The following GRM8 variants were observed in gnomAD, a reference collection of about 807,000 sequenced individuals.
GRM8 encodes the protein glutamate metabotropic receptor 8.
A neutral mutation model predicts 87.2 loss-of-function variants in GRM8; 47 were observed. The observed-to-expected ratio is 0.54, with a 90% CI of 0.43 to 0.69. The LOEUF (loss-of-function observed/expected upper bound fraction) is 0.69. GRM8 is among the 30% of genes least tolerant of loss of function. The pLI is 0.00. For missense variants in GRM8, 1,019 were observed against 1,139.2 expected, an observed-to-expected ratio of 0.89 and a Z score of 1.52; for synonymous variants, 396 against 404.5, an observed-to-expected ratio of 0.98 and a Z score of 0.25.
intron 2 of GRM8, among the ~76,000 whole-genome samples, chr7:127,113,298 T>A (rs1826493590): frequency 6.6e-6 from 1 of 152,092 alleles, no homozygotes; most frequent in Non-Finnish European, 1.5e-5. Flanking sequence ...AAGACACCCC[T>A]GACAAGGCTA....
intron 8 of GRM8, among the ~76,000 whole-genome samples, chr7:126,592,677 G>A (rs1261663598): frequency 6.6e-6 from 1 of 151,744 alleles, no homozygotes; most frequent in Non-Finnish European, 1.5e-5. Flanking sequence ...GGCCATATAT[G>A]ACAAACCCGT....
intron 3 of GRM8, among the ~76,000 whole-genome samples, chr7:126,941,895 C>T (rs1330431743): frequency 6.6e-6 from 1 of 152,118 alleles, no homozygotes; most frequent in Non-Finnish European, 1.5e-5. Flanking sequence ...TATTTTCTTC[C>T]AAATATATAG....
chr7:126,673,589 C>G (rs1323837943), intron 7 of GRM8, among the ~76,000 whole-genome samples: 1 of 152,044 alleles, frequency 6.6e-6, no homozygotes, highest in African/African-American at 2.4e-5. Context: ...GTGTGTGGGG[C>G]CGAGTGAGCT....
chr7:126,986,237 T>C (rs1349408629), intron 3 of GRM8, among the ~76,000 whole-genome samples: 2 of 152,158 alleles, frequency 1.3e-5, no homozygotes, highest in Non-Finnish European at 2.9e-5. Context: ...CTCAAACTTC[T>C]AAGCTCAAAT....
intron 3 of GRM8, among the ~76,000 whole-genome samples, chr7:126,922,730 G>A (rs187134369): frequency 5.9e-5 from 9 of 152,188 alleles, no homozygotes; most frequent in Non-Finnish European, 1.3e-4. Flanking sequence ...CTGGTGGGAG[G>A]TGATTGGATC....
chr7:127,143,818 A>G (rs1828405322), intron 2 of GRM8, among the ~76,000 whole-genome samples: 1 of 152,170 alleles, frequency 6.6e-6, no homozygotes, highest in Non-Finnish European at 1.5e-5. Flanking sequence ...TTAATATTTA[A>G]TGGTCATTAA....
At chr7:127,031,426 G>A (rs1817354898) in intron 3 of GRM8, among the ~76,000 whole-genome samples, 1 of 151,948 alleles carries the variant, frequency 6.6e-6, no homozygotes, top group Non-Finnish European at 1.5e-5. Context: ...CAAGAGCCCT[G>A]AAATGTTCTA....
At chr7:126,764,319 G>A (rs775273204) in intron 7 of GRM8, among the ~76,000 whole-genome samples, 1 of 151,718 alleles carries the variant, frequency 6.6e-6, no homozygotes, top group African/African-American at 2.4e-5. Flanking sequence ...ATATTTGTTC[G>A]ATTTCTAGTT....
chr7:126,923,897 A>C (rs1804809845), intron 3 of GRM8, among the ~76,000 whole-genome samples: 1 of 152,140 alleles, frequency 6.6e-6, no homozygotes, highest in Non-Finnish European at 1.5e-5. Context: ...ACCCATTCAG[A>C]TTGAAACTTG....
intron 3 of GRM8, among the ~76,000 whole-genome samples, chr7:127,094,934 G>A (rs2132948843): frequency 6.6e-6 from 1 of 152,274 alleles, no homozygotes; most frequent in African/African-American, 2.4e-5. Flanking sequence ...GACACTAAAA[G>A]AACATGAGAA....
intron 9 of GRM8, among the ~76,000 whole-genome samples, chr7:126,487,316 G>T (rs1171347484): frequency 6.6e-6 from 1 of 151,874 alleles, no homozygotes; most frequent in East Asian, 1.9e-4. Context: ...ATTTTTCTAA[G>T]AGATGGGGTC....
chr7:126,676,806 T>C (rs1350041456), intron 7 of GRM8, among the ~76,000 whole-genome samples: 6 of 152,184 alleles, frequency 3.9e-5, no homozygotes, highest in African/African-American at 9.6e-5. Flanking sequence ...TTCTGGACAT[T>C]GGCCTAGGCA....
At chr7:126,627,023 CTCTTA>C (rs1333706422) in intron 7 of GRM8, among the ~76,000 whole-genome samples, 4 of 152,108 alleles carry the variant, frequency 2.6e-5, no homozygotes, top group African/African-American at 2.4e-5. Flanking sequence ...TTTAGACCTT[CTCTTA>C]TAAGTCTTAA....
chr7:126,441,524 T>C (rs551586229), intron 10 of GRM8, among the ~76,000 whole-genome samples: 1 of 152,234 alleles, frequency 6.6e-6, no homozygotes, highest in African/African-American at 2.4e-5. Context: ...TTTCATGTAA[T>C]TCTGGAATGA....
At chr7:126,734,211 T>C (rs1012191673) in intron 7 of GRM8, among the ~76,000 whole-genome samples, 1 of 151,958 alleles carries the variant, frequency 6.6e-6, no homozygotes, top group Non-Finnish European at 1.5e-5. Flanking sequence ...TGTACAGATA[T>C]AGTATTTTCT....
At chr7:126,894,260 C>G (rs1471001114) in intron 6 of GRM8, among the ~76,000 whole-genome samples, 2 of 152,084 alleles carry the variant, frequency 1.3e-5, no homozygotes, top group African/African-American at 2.4e-5. Context: ...CTCATCCTCT[C>G]TGGCCCAAGC....
At chr7:126,806,426 A>G (rs1187269850) in intron 6 of GRM8, among the ~76,000 whole-genome samples, 2 of 152,250 alleles carry the variant, frequency 1.3e-5, no homozygotes, top group African/African-American at 2.4e-5. Context: ...CAAAACCTCC[A>G]AAGTCCAGAA....
At chr7:126,456,752 G>A (rs1182689643) in intron 9 of GRM8, among the ~76,000 whole-genome samples, 3 of 151,424 alleles carry the variant, frequency 2.0e-5, no homozygotes, top group African/African-American at 7.3e-5. Flanking sequence ...AAGGTGAAAT[G>A]TCTTGATATA....
intron 3 of GRM8, among the ~76,000 whole-genome samples, chr7:127,049,961 C>T (rs1271169162): frequency 1.3e-5 from 2 of 152,042 alleles, no homozygotes; most frequent in African/African-American, 4.8e-5. Context: ...AAGGTGGGTG[C>T]CACATAAAGT....
Sources: allele counts gnomAD v4.1 joint callset (sites outside exome capture counted in the v4.1 genomes callset), GRCh38; gene constraint gnomAD v4.1.1; transcripts MANE v1.5; gene names NCBI Gene and HGNC (gene_info 2026-07-23, HGNC 2026-07-21).